Variants in PCTP observed in about 807,000 individuals in gnomAD.
The protein encoded by PCTP is START domain-containing protein 2.
PCTP carries 27 observed loss-of-function variants against 31.0 expected under a neutral mutation model. The ratio of observed to expected loss-of-function variants is 0.87; its 90% CI spans 0.64 to 1.20. The LOEUF is 1.20. PCTP is among the 50% of genes most tolerant of loss of function. The probability of loss-of-function intolerance (pLI) is 0.00; values close to 1 mark genes in which losing one functional copy is unlikely to be tolerated. For missense variants in PCTP, 287 were observed against 268.2 expected (o/e 1.07, Z -0.49); for synonymous variants, 108 against 101.2 (o/e 1.07, Z -0.40).
intron 5 of PCTP, among the ~76,000 whole-genome samples, chr17:55,834,878 A>G (rs959290737): frequency 6.6e-5 from 10 of 152,140 alleles, no homozygotes; most frequent in Non-Finnish European, 1.3e-4. Flanking sequence ...CCTCAAAAAG[A>G]TATGTTGAAG....
At chr17:55,793,593 A>G (rs1046224017) in intron 3 of PCTP, among the ~76,000 whole-genome samples, 2 of 152,064 alleles carry the variant, frequency 1.3e-5, no homozygotes, top group Admixed American at 1.3e-4. Flanking sequence ...TGATTTCTTC[A>G]TTTAATGGAT....
At chr17:55,786,002 G>A (rs951459038) in intron 2 of PCTP, among the ~76,000 whole-genome samples, 2 of 152,182 alleles carry the variant, frequency 1.3e-5, no homozygotes, top group South Asian at 2.1e-4. Context: ...CCATATGTGG[G>A]CTGGGCACGG....
At chr17:55,847,180 G>T (rs1906169269), downstream of PCTP, among the ~76,000 whole-genome samples, 1 of 152,122 alleles carries the variant, frequency 6.6e-6, no homozygotes, top group African/African-American at 2.4e-5. Context: ...ACAGTCTTAT[G>T]GTCATTTAAA....
chr17:55,771,004 A>T (rs1224575889), intron 2 of PCTP, 102 bp from the exon 3 acceptor site: 1 of 842,770 alleles, frequency 1.2e-6, no homozygotes, highest in Non-Finnish European at 2.0e-6. Flanking sequence ...AAGTGCTGGG[A>T]TTACAGGCAT....
At chr17:55,765,519 C>T (rs987976777) in intron 1 of PCTP, among the ~76,000 whole-genome samples, 4 of 152,204 alleles carry the variant, frequency 2.6e-5, no homozygotes, top group Admixed American at 2.6e-4. Context: ...CCTTAAATCA[C>T]TGACTCCTCG....
intron 1 of PCTP, among the ~76,000 whole-genome samples, chr17:55,763,777 A>C (rs956854115): frequency 6.6e-6 from 1 of 152,146 alleles, no homozygotes; most frequent in Non-Finnish European, 1.5e-5. Flanking sequence ...ATAAAAAACT[A>C]TTTTTTAAAA....
intron 4 of PCTP, 138 bp from the exon 5 acceptor site, chr17:55,774,654 A>T: frequency 7.5e-6 from 5 of 670,066 alleles, no homozygotes; most frequent in Non-Finnish European, 1.3e-5. Flanking sequence ...CAATGGAGAG[A>T]AGTCCATCTG....
At chr17:55,839,230 G>A (rs1905879356) in intron 5 of PCTP, among the ~76,000 whole-genome samples, 1 of 152,108 alleles carries the variant, frequency 6.6e-6, no homozygotes, top group South Asian at 2.1e-4. Context: ...TATAAAAGGG[G>A]AACAATAACG....
chr17:55,849,752 A>G, the PCTP span, among the ~76,000 whole-genome samples: 56 of 152,338 alleles, frequency 3.7e-4, no homozygotes, highest in African/African-American at 1.1e-3. Flanking sequence ...AAACATAGAC[A>G]TAGATCAATG....
chr17:55,769,719 A>G (rs1380556150), intron 2 of PCTP: 1 of 152,188 alleles, frequency 6.6e-6, no homozygotes, highest in African/African-American at 2.4e-5. Context: ...TAGAGTGACT[A>G]ACTACGACTC....
downstream of PCTP, among the ~76,000 whole-genome samples, chr17:55,826,538 G>A (rs1448938356): frequency 1.3e-5 from 2 of 151,998 alleles, no homozygotes; most frequent in South Asian, 2.1e-4. Context: ...ATGGAGGAAA[G>A]AACACTGAAG....
chr17:55,805,245 T>A (rs1414327765), intron 3 of PCTP, among the ~76,000 whole-genome samples: 6 of 152,090 alleles, frequency 3.9e-5, no homozygotes, highest in Non-Finnish European at 1.5e-5. Flanking sequence ...GGTTTATGTG[T>A]TTTTTTCTTA....
chr17:55,800,224 T>C (rs1338963462), intron 3 of PCTP, among the ~76,000 whole-genome samples: 1 of 152,114 alleles, frequency 6.6e-6, no homozygotes, highest in Non-Finnish European at 1.5e-5. Context: ...CAAATGGGGG[T>C]TTGGTCTTTT....
intron 3 of PCTP, among the ~76,000 whole-genome samples, chr17:55,808,515 C>A (rs1432844481): frequency 3.3e-5 from 5 of 152,202 alleles, no homozygotes; most frequent in Non-Finnish European, 5.9e-5. Flanking sequence ...TTGTGGTTCA[C>A]CTTTCCACAC....
chr17:55,801,896 A>G (rs924266336), intron 3 of PCTP, among the ~76,000 whole-genome samples: 1 of 152,194 alleles, frequency 6.6e-6, no homozygotes, highest in African/African-American at 2.4e-5. Flanking sequence ...GAGACATGAA[A>G]AACCCTTCAA....
chr17:55,812,162 C>T (rs1488067437), intron 3 of PCTP, among the ~76,000 whole-genome samples: 4 of 152,088 alleles, frequency 2.6e-5, no homozygotes, highest in African/African-American at 9.7e-5. Context: ...TATCAAGGTG[C>T]TTCTAGTTCA....
chr17:55,765,943 T>A (rs966597017), intron 1 of PCTP, among the ~76,000 whole-genome samples: 2 of 152,200 alleles, frequency 1.3e-5, no homozygotes, highest in African/African-American at 4.8e-5. Context: ...CCTATCTTCC[T>A]ATGGCTGGCT....
At position 55,776,523 on chromosome 17, in the gene PCTP, T is replaced by C; in HGVS notation, c.*423T>C. 1 of 1,232,132 alleles carries C rather than the reference T, an allele frequency of 8.1e-7. No homozygotes were observed. Among genetic ancestry groups the C allele is most frequent in the Non-Finnish European group, 1.0e-6 (1 of 988,292 alleles). The allele number at this position is 1,232,132 out of a possible 1,614,324, so 76.3% of individuals were successfully genotyped here. A position where few individuals can be genotyped will look rare whatever the true frequency, so the allele number is the denominator to read the frequency against. ...AGAATGACTATTTGGGCGGGCTGGCTCTTTTGCAGCTTGTGATTTCTTCCA... is the reference window on the plus strand; with the variant it reads ...AGAATGACTATTTGGGCGGGCTGGCCCTTTTGCAGCTTGTGATTTCTTCCA... On this transcript the variant is annotated 3_prime_UTR_variant, in exon 6 of 6. Coordinates refer to ENST00000268896, the MANE Select transcript of PCTP (RefSeq NM_021213.4).
At chr17:55,852,454 AC>A in the PCTP span, among the ~76,000 whole-genome samples, 1 of 152,180 alleles carries the variant, frequency 6.6e-6, no homozygotes, top group Non-Finnish European at 1.5e-5. Context: ...AGACCCAAGA[AC>A]TGCAAGATCT....
Sources: gnomAD v4.1 joint callset for allele counts (sites outside exome capture counted in the v4.1 genomes callset) on GRCh38, gnomAD v4.1.1 for gene constraint, MANE v1.5 for transcripts, NCBI Gene and HGNC (gene_info 2026-07-23, HGNC 2026-07-21) for gene names.